The following CAST variants were observed in gnomAD, a reference collection of about 807,000 sequenced individuals.
CAST encodes the protein calpastatin, also known as MIR583 host.
A neutral mutation model predicts 119.6 loss-of-function variants in CAST; 76 were observed. The ratio of observed to expected loss-of-function variants is 0.64; its 90% CI spans 0.53 to 0.77. The LOEUF is 0.77. Ranked by LOEUF, CAST falls within the 30% of genes least tolerant of loss-of-function variation. The pLI, the probability that CAST is intolerant of heterozygous loss-of-function variation, is 0.00. For missense variants in CAST, 953 were observed against 946.5 expected, an observed-to-expected ratio of 1.01 and a Z score of -0.09; for synonymous variants, 319 against 331.6, an observed-to-expected ratio of 0.96 and a Z score of 0.41.
chr5:96,533,038 TAAAAA>T (rs1561408287), intron 1 of CAST, among the ~76,000 whole-genome samples: 2 of 124,470 alleles, frequency 1.6e-5, no homozygotes, highest in Admixed American at 7.6e-5. Flanking sequence ...AAAAAAAAAA[TAAAAA>T]TAAAAATAAA....
intron 3 of CAST, among the ~76,000 whole-genome samples, chr5:96,702,408 C>G (rs1754026293): frequency 6.6e-6 from 1 of 152,292 alleles, no homozygotes; most frequent in African/African-American, 2.4e-5. Flanking sequence ...TACTGTTAAA[C>G]TACTCTTTAA....
chr5:96,432,064 C>T, the CAST span: 21 of 1,517,760 alleles, frequency 1.4e-5, no homozygotes, highest in Non-Finnish European at 1.4e-5. Context: ...CTGAAATTCC[C>T]GGGAAAACGA....
the CAST span, among the ~76,000 whole-genome samples, chr5:95,978,736 C>T: frequency 1.3e-5 from 2 of 152,082 alleles, no homozygotes. Context: ...TTTTAGGCTT[C>T]CTGGACCCAC....
intron 1 of CAST, among the ~76,000 whole-genome samples, chr5:96,611,902 C>T (rs1182289799): frequency 6.6e-6 from 1 of 152,154 alleles, no homozygotes; most frequent in Non-Finnish European, 1.5e-5. Flanking sequence ...GACACCATCT[C>T]ACACCAATCA....
At chr5:96,493,816 C>G in the CAST span, among the ~76,000 whole-genome samples, 4 of 152,082 alleles carry the variant, frequency 2.6e-5, no homozygotes, top group Admixed American at 2.0e-4. Flanking sequence ...AGGTGGATCA[C>G]CTGAGGTCAG....
At chr5:96,597,676 T>C (rs1747076348) in intron 1 of CAST, among the ~76,000 whole-genome samples, 1 of 152,240 alleles carries the variant, frequency 6.6e-6, no homozygotes, top group Admixed American at 6.5e-5. Context: ...TTCCATATAC[T>C]GAGTAGCACT....
chr5:96,643,947 A>C (rs974634401), intron 1 of CAST, among the ~76,000 whole-genome samples: 16 of 151,932 alleles, frequency 1.1e-4, no homozygotes, highest in African/African-American at 3.6e-4. Flanking sequence ...TACTCAGGAG[A>C]CTGAGGCAGA....
the CAST span, among the ~76,000 whole-genome samples, chr5:96,307,927 G>A: frequency 6.6e-6 from 1 of 152,218 alleles, no homozygotes; most frequent in Non-Finnish European, 1.5e-5. Flanking sequence ...ATGAGTATGT[G>A]TCTTGGGATT....
the CAST span, among the ~76,000 whole-genome samples, chr5:96,405,326 C>G: frequency 6.6e-6 from 1 of 152,140 alleles, no homozygotes; most frequent in African/African-American, 2.4e-5. Context: ...AGCCATTCCC[C>G]AGAAATATGC....
chr5:96,534,683 A>AGT (rs1745749243), intron 1 of CAST, among the ~76,000 whole-genome samples: 1 of 50,842 alleles, frequency 2.0e-5, no homozygotes, highest in African/African-American at 6.4e-5. Context: ...AGAAAGAGAG[A>AGT]GAGAGAGGAA....
the CAST span, among the ~76,000 whole-genome samples, chr5:96,131,677 C>A: frequency 6.6e-6 from 1 of 152,126 alleles, no homozygotes; most frequent in South Asian, 2.1e-4. Context: ...TTATCAGCGA[C>A]CTACATGAGA....
chr5:96,512,460 T>C, the CAST span, among the ~76,000 whole-genome samples: 1 of 152,320 alleles, frequency 6.6e-6, no homozygotes, highest in African/African-American at 2.4e-5. Flanking sequence ...ACTGGAGATA[T>C]ATGGCACATA....
chr5:96,446,296 A>G, the CAST span, among the ~76,000 whole-genome samples: 1 of 152,180 alleles, frequency 6.6e-6, no homozygotes, highest in Non-Finnish European at 1.5e-5. Flanking sequence ...TTATTGTGGT[A>G]CAAGAACTAT....
chr5:96,497,430 C>T, the CAST span, among the ~76,000 whole-genome samples: 2 of 152,070 alleles, frequency 1.3e-5, no homozygotes, highest in Non-Finnish European at 2.9e-5. Context: ...CCTGAGGAAT[C>T]GCCACACTGA....
chr5:96,656,158 A>G (rs1357221565), intron 1 of CAST, among the ~76,000 whole-genome samples: 1 of 152,218 alleles, frequency 6.6e-6, no homozygotes. Context: ...ACTAGTTGCA[A>G]TGTAAAATGT....
intron 3 of CAST, among the ~76,000 whole-genome samples, chr5:96,720,367 A>G (rs1431272456): frequency 4.6e-5 from 7 of 152,264 alleles, no homozygotes; most frequent in Non-Finnish European, 7.3e-5. Context: ...AGAGTATACA[A>G]TGAAAGTGTA....
the CAST span, among the ~76,000 whole-genome samples, chr5:96,449,087 A>G: frequency 1.3e-5 from 2 of 152,154 alleles, no homozygotes; most frequent in African/African-American, 2.4e-5. Context: ...TCTCTAAATA[A>G]TATCATTTTC....
chr5:96,032,855 G>C, the CAST span, among the ~76,000 whole-genome samples: 1 of 152,014 alleles, frequency 6.6e-6, no homozygotes, highest in African/African-American at 2.4e-5. Context: ...GAAATAAAAG[G>C]CCTCTAAATT....
rs1773605838 is a variant in CAST at position 96,774,480 on chromosome 5, C to G, written c.*1864C>G. On this transcript the variant is annotated 3_prime_UTR_variant, in exon 32 of 32. Coordinates refer to ENST00000675179, the MANE Select transcript of CAST (RefSeq NM_001750.7). ...GGAGAGAGAAAATAATTGCAAATAT[C>G]CACTTAGAGGCAAAGAACAATTTTT... The G allele has an allele frequency of 3.0e-6, 3 of 984,004 alleles. No individual in the cohort carries two copies. The South Asian group carries it at 1.4e-4, about 46-fold the overall frequency. 61.0% of individuals were successfully genotyped at this position (984,004 alleles called of 1,614,324 possible).
Sources: allele counts gnomAD v4.1 joint callset (sites outside exome capture counted in the v4.1 genomes callset), GRCh38; gene constraint gnomAD v4.1.1; transcripts MANE v1.5; gene names NCBI Gene and HGNC (gene_info 2026-07-23, HGNC 2026-07-21).